Variants in BRAP observed in about 807,000 individuals in gnomAD.
The protein encoded by BRAP is BRCA1 associated protein.
BRAP carries 42 observed loss-of-function variants against 73.4 expected under a neutral mutation model. The observed-to-expected ratio is 0.57, with a 90% CI of 0.45 to 0.74. The LOEUF (loss-of-function observed/expected upper bound fraction) is 0.74. Ranked by LOEUF, BRAP falls within the 30% of genes least tolerant of loss-of-function variation. BRAP has a pLI of 0.00. For synonymous variants in BRAP, 255 were observed against 267.4 expected, an observed-to-expected ratio of 0.95 and a Z score of 0.45; for missense variants, 593 against 751.4, an observed-to-expected ratio of 0.79 and a Z score of 2.46.
chr12:111,651,369 C>G (rs55812743), intron 10 of BRAP, among the ~76,000 whole-genome samples: 1 of 151,814 alleles, frequency 6.6e-6, no homozygotes, highest in African/African-American at 2.4e-5. Context: ...GAAAGCCCGT[C>G]TCTACTAAAA....
intron 7 of BRAP, 110 bp downstream of exon 7, chr12:111,660,489 TA>T: frequency 1.1e-6 from 1 of 938,502 alleles, no homozygotes; most frequent in Non-Finnish European, 1.4e-6. Flanking sequence ...TCTCTTAAAA[TA>T]AAAAATAAAA....
In BRAP at chr12:111,655,507, C is replaced by G. The variant is rs1431362277; in HGVS notation, c.1311+59G>C. Reference sequence around the variant, plus strand: ...TCCCTGTACTCTGCCTTCCACACCCCCCATCAGAGTGCCCTGCCATGTGTC... The same window carrying G: ...TCCCTGTACTCTGCCTTCCACACCCGCCATCAGAGTGCCCTGCCATGTGTC... On this transcript the variant is annotated intron_variant, in intron 10 of 11. Transcript: ENST00000419234. 13 of 1,362,558 alleles carry G rather than the reference C, an allele frequency of 9.5e-6. No homozygotes were observed. The Admixed American group carries it at 1.9e-4, about 19-fold the overall frequency. The allele number at this position is 1,362,558 out of a possible 1,614,324, so 84.4% of individuals were successfully genotyped here. A position where few individuals can be genotyped will look rare whatever the true frequency, so the allele number is the denominator to read the frequency against.
chr12:111,644,340 G>A lies in BRAP; in HGVS notation c.1638C>T (p.Ile546=). 1 of 1,613,996 alleles carries A rather than the reference G, an allele frequency of 6.2e-7. No individual in the cohort carries two copies. The highest frequency in any genetic ancestry group is 8.5e-7 in the Non-Finnish European group (1 of 1,180,024). ...GCCGGGTCTCGGCAGGCAGATGGTT[G>A]ATCTTCTGCTGTGTCTCCAGGTAGA... ...VMFYLETQQK[I]NHLPAETRQE... The change falls in exon 12 of 12, where the codon ATC becomes ATT. Residue 546 remains isoleucine, a synonymous_variant. Coordinates refer to ENST00000419234, the MANE Select transcript of BRAP (RefSeq NM_006768.5).
chr12:111,660,791 C>A, intron 6 of BRAP, 116 bp from the exon 7 acceptor site: 1 of 696,604 alleles, frequency 1.4e-6, no homozygotes, highest in African/African-American at 1.8e-5. Context: ...CTATTTTTAT[C>A]ATAACTAAGG....
In BRAP at chr12:111,682,450, G is replaced by A. The variant is rs12580069; in HGVS notation, c.245-615C>T. On this transcript the variant is annotated intron_variant, in intron 2 of 11. Coordinates refer to ENST00000419234, the MANE Select transcript of BRAP (RefSeq NM_006768.5). ...CCAGGAGGTGGAGTTGCAGTAAGCCGAGATCATGCCACTGCACTCCCACCT... is the reference window on the plus strand; with the variant it reads ...CCAGGAGGTGGAGTTGCAGTAAGCCAAGATCATGCCACTGCACTCCCACCT... 0.052 allele frequency among the ~76,000 whole-genome samples: 7,358 copies of A among 140,220 alleles called. 1,131 individuals carry two copies. The East Asian group carries it at 0.62, about 12-fold the overall frequency. 92.0% of individuals were successfully genotyped at this position (140,220 alleles called of 152,430 possible).
At chr12:111,658,870 T>A (rs1886634856) in intron 8 of BRAP, 25 bp from the exon 9 acceptor site, 1 of 1,563,326 alleles carries the variant, frequency 6.4e-7, no homozygotes, top group East Asian at 2.2e-5. Flanking sequence ...AACAAAAGTG[T>A]GTTTCTTTAG....
At position 111,665,748 on chromosome 12, in the gene BRAP, T is replaced by A; in HGVS notation, c.787A>T (p.Lys263Ter). Reference protein sequence around the residue: ...LPVMDLTELPKCTVCLERMDE... With the variant: ...LPVMDLTELP Reference sequence around the variant, plus strand: ...ATGCGCTCCAGACACACCGTGCACTTGGGGAGTTCAGTCAGGTCCATCACT... The same window carrying A: ...ATGCGCTCCAGACACACCGTGCACTAGGGGAGTTCAGTCAGGTCCATCACT... Residue 263 changes from lysine (K) to a stop codon, truncating the protein, a stop_gained, in exon 6 of 12, where the codon AAG (lysine) becomes TAG (stop). Coordinates refer to ENST00000419234, the MANE Select transcript of BRAP (RefSeq NM_006768.5). LOFTEE classifies it high-confidence loss of function. This position sits in a 1 kb window ranked among gnomAD's most constrained non-coding sequence, Gnocchi z 4.3. The A allele has an allele frequency of 6.2e-7, 1 of 1,614,236 alleles. No homozygotes were observed.
chr12:111,666,194 G>C (rs547352233), intron 5 of BRAP, among the ~76,000 whole-genome samples: 3 of 152,316 alleles, frequency 2.0e-5, no homozygotes, highest in African/African-American at 4.8e-5. Flanking sequence ...GTACAGCGGT[G>C]AACAAAACAA....
chr12:111,672,783 A>G lies in BRAP; in HGVS notation c.634-9T>C. ...AAACTATCCGCATCAGCCTATGTACACCAATGGGGAAAAGGAAAAAAATTA... is the reference window on the plus strand; with the variant it reads ...AAACTATCCGCATCAGCCTATGTACGCCAATGGGGAAAAGGAAAAAAATTA... On this transcript the variant is annotated splice_polypyrimidine_tract_variant and intron_variant, in intron 4 of 11. Transcript: ENST00000419234. The G allele has an allele frequency of 6.2e-7, 1 of 1,606,910 alleles. No homozygotes were observed. Among genetic ancestry groups the G allele is most frequent in the Non-Finnish European group, 8.5e-7 (1 of 1,176,502 alleles).
At chr12:111,667,793 A>C (rs1887013090) in intron 5 of BRAP, among the ~76,000 whole-genome samples, 1 of 151,702 alleles carries the variant, frequency 6.6e-6, no homozygotes, top group Non-Finnish European at 1.5e-5. Flanking sequence ...ATATGTGGTG[A>C]GATTCCAAAA....
chr12:111,656,614 G>A (rs565614587), intron 9 of BRAP, among the ~76,000 whole-genome samples: 121 of 152,304 alleles, frequency 7.9e-4, no homozygotes, highest in African/African-American at 2.9e-3. Context: ...ACTACAGAGA[G>A]GGCAAGGAGA....
chr12:111,674,833 A>G (rs1007134783), intron 4 of BRAP, among the ~76,000 whole-genome samples: 1 of 152,144 alleles, frequency 6.6e-6, no homozygotes, highest in African/African-American at 2.4e-5. Flanking sequence ...TAAGCAGCAA[A>G]GTCAGCACAT....
In BRAP at chr12:111,642,349, T is replaced by G. The variant is rs530495729; in HGVS notation, c.*1850A>C. On this transcript the variant is annotated 3_prime_UTR_variant, in exon 12 of 12. Coordinates refer to ENST00000419234, the MANE Select transcript of BRAP (RefSeq NM_006768.5). ...GATTTTTTTTTTTTCTGGGACATAT[T>G]TTTTGTAAACCTCCAAGTAGTTTGG... 4.1e-4 allele frequency: 63 copies of G among 152,272 alleles called. No individual in the cohort carries two copies. Among genetic ancestry groups the G allele is most frequent in the African/African-American group, 1.4e-3 (59 of 41,564 alleles). The allele number at this position is 152,272 out of a possible 1,614,324, so 9.4% of individuals were successfully genotyped here. A position where few individuals can be genotyped will look rare whatever the true frequency, so the allele number is the denominator to read the frequency against.
intron 11 of BRAP, among the ~76,000 whole-genome samples, chr12:111,646,923 T>C (rs1886131717): frequency 1.3e-5 from 2 of 152,200 alleles, no homozygotes; most frequent in African/African-American, 4.8e-5. Context: ...TATAGTAGTG[T>C]GAGATTTGAC....
Position 111,642,303 on chromosome 12 carries a change from T to C in BRAP, c.*1896A>G, listed in dbSNP as rs958901561. 4.6e-5 allele frequency: 7 copies of C among 152,330 alleles called. No individual in the cohort carries two copies. In the East Asian group the frequency reaches 1.2e-3, roughly 25 times the overall value. 9.4% of individuals were successfully genotyped at this position (152,330 alleles called of 1,614,324 possible). A position where few individuals can be genotyped will look rare whatever the true frequency, so the allele number is the denominator to read the frequency against. On this transcript the variant is annotated 3_prime_UTR_variant, in exon 12 of 12. Transcript: ENST00000419234. ...TTGACTGTTTAAAAAAAAATTTTTT[T>C]TTCTTTACGTATCTTGGTAAGATTT...
At chr12:111,672,600 G>A in intron 5 of BRAP, 61 bp downstream of exon 5, 1 of 1,433,782 alleles carries the variant, frequency 7.0e-7, no homozygotes, top group Admixed American at 1.8e-5. Context: ...AGATACCTTA[G>A]CATTCAATTT....
At chr12:111,663,027 C>T (rs1011704110) in intron 6 of BRAP, among the ~76,000 whole-genome samples, 39 of 151,462 alleles carry the variant, frequency 2.6e-4, no homozygotes, top group Non-Finnish European at 4.1e-4. Flanking sequence ...CTACACTATG[C>T]CCAAATGATC....
At chr12:111,660,722 C>T (rs1224778175) in intron 6 of BRAP, 47 bp from the exon 7 acceptor site, 1 of 1,537,078 alleles carries the variant, frequency 6.5e-7, no homozygotes. Context: ...ATATAAAAGA[C>T]AGCTGTTACA....
At chr12:111,670,093 T>C in intron 5 of BRAP, 1 of 624,972 alleles carries the variant, frequency 1.6e-6, no homozygotes, top group East Asian at 3.7e-5. Context: ...GTTGGAACAG[T>C]TTCTTTTGGC....
Sources: gnomAD v4.1 joint callset for allele counts (sites outside exome capture counted in the v4.1 genomes callset) on GRCh38, gnomAD v4.1.1 for gene constraint, Gnocchi (gnomAD v3.1) non-coding constraint, MANE v1.5 for transcripts, NCBI Gene and HGNC (gene_info 2026-07-23, HGNC 2026-07-21) for gene names.